Variants in SEL1L observed in about 807,000 individuals in gnomAD.
SEL1L encodes the protein SEL1L adaptor subunit of SYVN1 ubiquitin ligase, also known as protein sel-1 homolog 1.
A neutral mutation model predicts 109.8 loss-of-function variants in SEL1L; 52 were observed. That is an observed-to-expected ratio of 0.47 (90% CI 0.38 to 0.60). The LOEUF (loss-of-function observed/expected upper bound fraction) is 0.60. Among genes scored for constraint, SEL1L ranks in the 20% least tolerant of loss-of-function variants. SEL1L has a pLI of 0.00. For synonymous variants in SEL1L, 373 were observed against 339.6 expected (o/e 1.10, Z -1.08); for missense variants, 749 against 962.2 (o/e 0.78, Z 2.93).
Position 81,475,603 on chromosome 14 carries a change from G to C in SEL1L, c.*1369C>G, listed in dbSNP as rs1903132530. On this transcript the variant is annotated 3_prime_UTR_variant, in exon 21 of 21. Coordinates refer to ENST00000336735, the MANE Select transcript of SEL1L (RefSeq NM_005065.6). ...CTGCTCAGATACGAATGCAGTCTCAGACAAGATACAGGCTGGTGAACACCA... is the reference window on the plus strand; with the variant it reads ...CTGCTCAGATACGAATGCAGTCTCACACAAGATACAGGCTGGTGAACACCA... The C allele has an allele frequency of 6.6e-6, 1 of 152,186 alleles. No homozygotes were observed. Among genetic ancestry groups the C allele is most frequent in the African/African-American group, 2.4e-5 (1 of 41,450 alleles). 9.4% of individuals were successfully genotyped at this position (152,186 alleles called of 1,614,324 possible). A position where few individuals can be genotyped will look rare whatever the true frequency, so the allele number is the denominator to read the frequency against.
intron 1 of SEL1L, among the ~76,000 whole-genome samples, chr14:81,533,060 A>G (rs140636542): frequency 2.0e-5 from 3 of 152,354 alleles, no homozygotes; most frequent in Non-Finnish European, 4.4e-5. Context: ...ATTTTCCCAA[A>G]CATCATAAAA....
chr14:81,479,814 G>A (rs1903290046), intron 19 of SEL1L, 74 bp from the exon 20 acceptor site: 11 of 1,299,982 alleles, frequency 8.5e-6, no homozygotes, highest in South Asian at 5.3e-5. Context: ...CATATTAGAC[G>A]AATTTATTTT....
intron 3 of SEL1L, among the ~76,000 whole-genome samples, chr14:81,521,273 G>T (rs1884896213): frequency 6.6e-6 from 1 of 152,124 alleles, no homozygotes; most frequent in South Asian, 2.1e-4. Context: ...AGCAATCTGG[G>T]TTCCTTGGAG....
chr14:81,529,640 T>C (rs921591518), intron 1 of SEL1L, among the ~76,000 whole-genome samples: 4 of 152,248 alleles, frequency 2.6e-5, no homozygotes, highest in Non-Finnish European at 1.5e-5. Flanking sequence ...TTCATGTGAA[T>C]TGCATCATGC....
chr14:81,515,234 C>T (rs929230134), intron 3 of SEL1L, among the ~76,000 whole-genome samples: 2 of 152,142 alleles, frequency 1.3e-5, no homozygotes, highest in Non-Finnish European at 2.9e-5. Flanking sequence ...ATGTCCCCTC[C>T]TCCCTCTCTG....
chr14:81,525,304 T>C (rs1043226822), intron 3 of SEL1L, among the ~76,000 whole-genome samples: 2 of 151,958 alleles, frequency 1.3e-5, no homozygotes, highest in Admixed American at 6.6e-5. Context: ...ATCCCAGCAC[T>C]TTGGGAGGCC....
rs138440741 is a variant in SEL1L at position 81,511,933 on chromosome 14, A to C, written c.341-5692T>G. ...AGAAAAATGACAGTTATCTTTACCT[A>C]TCACTTCAAGTTATTTCTGTCAAGA... On this transcript the variant is annotated intron_variant, in intron 3 of 20. Coordinates refer to ENST00000336735, the MANE Select transcript of SEL1L (RefSeq NM_005065.6). 6.6e-5 allele frequency among the ~76,000 whole-genome samples: 10 copies of C among 152,352 alleles called. No homozygotes were observed. In the East Asian group the frequency reaches 1.5e-3, roughly 24 times the overall value.
At chr14:81,514,081 T>A (rs773210628) in intron 3 of SEL1L, among the ~76,000 whole-genome samples, 18 of 152,248 alleles carry the variant, frequency 1.2e-4, no homozygotes, top group Admixed American at 2.0e-4. Flanking sequence ...GTTTCTCCTA[T>A]GAGAATGATT....
Position 81,528,037 on chromosome 14 carries a change from C to T in SEL1L, c.71-299G>A, listed in dbSNP as rs573856267. On this transcript the variant is annotated intron_variant, in intron 1 of 20. Coordinates refer to ENST00000336735, the MANE Select transcript of SEL1L (RefSeq NM_005065.6). ...CAAAAACAGGTATTTCTTCACATTC[C>T]ATCCAATTCTTGTGGGTCTATTTAG... 3.9e-5 allele frequency among the ~76,000 whole-genome samples: 6 copies of T among 152,272 alleles called. No homozygotes were observed. In the South Asian group the frequency reaches 1.2e-3, roughly 32 times the overall value.
intron 14 of SEL1L, among the ~76,000 whole-genome samples, chr14:81,488,497 T>C (rs906847770): frequency 1.6e-4 from 25 of 152,164 alleles, no homozygotes; most frequent in African/African-American, 5.8e-4. Context: ...ATTAAAAACC[T>C]AGCTCTTAAA....
At chr14:81,484,734 G>T (rs146679967) in intron 18 of SEL1L, among the ~76,000 whole-genome samples, 5 of 152,226 alleles carry the variant, frequency 3.3e-5, no homozygotes, top group African/African-American at 1.2e-4. Context: ...CAAAGGAAAC[G>T]CTCACAGGAG....
At position 81,473,793 on chromosome 14, in the gene SEL1L, T is replaced by C. The variant is rs529220020; in HGVS notation, c.*3179A>G. 1 of 152,218 alleles carries C rather than the reference T, an allele frequency of 6.6e-6. No homozygotes were observed. Among genetic ancestry groups the C allele is most frequent in the South Asian group, 2.1e-4 (1 of 4,818 alleles). The allele number at this position is 152,218 out of a possible 1,614,324, so 9.4% of individuals were successfully genotyped here. On this transcript the variant is annotated 3_prime_UTR_variant, in exon 21 of 21. Transcript: ENST00000336735. Reference sequence around the variant, plus strand: ...CATAAAGAATTGTGTTTTTCATTTATAGGCCTGCATGCATACTTCCAAAAC... The same window carrying C: ...CATAAAGAATTGTGTTTTTCATTTACAGGCCTGCATGCATACTTCCAAAAC...
intron 4 of SEL1L, among the ~76,000 whole-genome samples, chr14:81,505,028 A>C (rs1270417286): frequency 6.6e-6 from 1 of 152,184 alleles, no homozygotes; most frequent in Non-Finnish European, 1.5e-5. Flanking sequence ...GTATTTCCTT[A>C]CAGCAGTGTG....
chr14:81,525,855 C>A (rs1173011494), intron 3 of SEL1L, among the ~76,000 whole-genome samples: 1 of 152,066 alleles, frequency 6.6e-6, no homozygotes, highest in Non-Finnish European at 1.5e-5. Flanking sequence ...CACATTTTGA[C>A]CCAATTTACT....
At chr14:81,513,834 A>C (rs1884588218) in intron 3 of SEL1L, among the ~76,000 whole-genome samples, 1 of 152,080 alleles carries the variant, frequency 6.6e-6, no homozygotes, top group Admixed American at 6.6e-5. Context: ...CGGCTGAGCC[A>C]AGGGTGGACA....
At chr14:81,494,130 A>G (rs1883648228) in intron 11 of SEL1L, among the ~76,000 whole-genome samples, 6 of 152,126 alleles carry the variant, frequency 3.9e-5, no homozygotes, top group Admixed American at 3.9e-4. Context: ...ATGCCTGAAC[A>G]TATCCCTAAA....
chr14:81,487,939 A>G lies in SEL1L; in HGVS notation c.1399T>C (p.Tyr467His). Reference sequence around the variant, plus strand: ...TGGAAATACTTAAGGGCTAGATCATAATTCTGTAGAAAAAGATGTCATATG... The same window carrying G: ...TGGAAATACTTAAGGGCTAGATCATGATTCTGTAGAAAAAGATGTCATATG... ...YLYGRGVQVNYDLALKYFQKA... is the reference protein window; with the variant it reads ...YLYGRGVQVNHDLALKYFQKA... The change falls in exon 15 of 21, where the codon TAT becomes CAT. Residue 467 changes from tyrosine to histidine, a missense_variant. By Grantham distance (83) the Tyr-to-His change is moderately conservative. This residue lies in a region of SEL1L where 383 missense variants were observed against 562.5 expected (regional missense o/e 0.68). Transcript: ENST00000336735. The G allele has an allele frequency of 6.2e-7, 1 of 1,612,648 alleles. No homozygotes were observed. Among genetic ancestry groups the G allele is most frequent in the Non-Finnish European group, 8.5e-7 (1 of 1,179,050 alleles).
At chr14:81,516,877 TC>T (rs997275031) in intron 3 of SEL1L, among the ~76,000 whole-genome samples, 8 of 151,992 alleles carry the variant, frequency 5.3e-5, no homozygotes, top group East Asian at 1.9e-4. Context: ...CCTCCAGACT[TC>T]CCCCCCATGT....
chr14:81,529,561 T>C (rs1373437142), intron 1 of SEL1L, among the ~76,000 whole-genome samples: 1 of 152,210 alleles, frequency 6.6e-6, no homozygotes. Flanking sequence ...CAGCACAAGC[T>C]GTTAGGCATT....
Sources: gnomAD v4.1 joint callset for allele counts (sites outside exome capture counted in the v4.1 genomes callset) on GRCh38, gnomAD v4.1.1 for gene constraint, gnomAD v4.1.1 regional missense constraint, MANE v1.5 for transcripts, NCBI Gene and HGNC (gene_info 2026-07-23, HGNC 2026-07-21) for gene names.